Variants in MOV10 observed in about 807,000 individuals in gnomAD.
MOV10 encodes the protein Mov10 RNA helicase.
Under a neutral mutation model 108.4 loss-of-function variants are expected in MOV10, and 39 were observed. The ratio of observed to expected loss-of-function variants is 0.36; its 90% CI spans 0.28 to 0.47. The LOEUF is 0.47. Among genes scored for constraint, MOV10 ranks in the 20% least tolerant of loss-of-function variants. The probability of loss-of-function intolerance (pLI) is 1.00; values close to 1 mark genes in which losing one functional copy is unlikely to be tolerated. For missense variants in MOV10, 952 were observed against 1,297.6 expected (o/e 0.73, Z 4.09); for synonymous variants, 490 against 523.1 (o/e 0.94, Z 0.86).
chr1:112,674,964 G>C lies in MOV10; in HGVS notation c.52G>C (p.Glu18Gln), dbSNP rs4436392. Residue 18 changes from glutamate to glutamine, a missense_variant, in exon 2 of 21, where the codon GAG (glutamate) becomes CAG (glutamine). Coordinates refer to ENST00000369645, the MANE Select transcript of MOV10 (RefSeq NM_001321324.2). ...GCTCCGGGAGGCGGGCCAGTGTTTCGAGAGTTTCCTGGTCGTTCGGGGACT... is the reference window on the plus strand; with the variant it reads ...GCTCCGGGAGGCGGGCCAGTGTTTCCAGAGTTTCCTGGTCGTTCGGGGACT... ...RQLREAGQCF[E>Q]SFLVVRGLDM... 5.1e-6 allele frequency: 8 copies of C among 1,583,696 alleles called. No homozygotes were observed. Among genetic ancestry groups the C allele is most frequent in the Non-Finnish European group, 6.9e-6 (8 of 1,166,212 alleles).
chr1:112,689,590 C>T lies in MOV10; in HGVS notation c.517C>T (p.Arg173Trp), dbSNP rs764455810. 13 of 1,614,198 alleles carry T rather than the reference C, an allele frequency of 8.1e-6. No homozygotes were observed. Among genetic ancestry groups the T allele is most frequent in the South Asian group, 5.5e-5 (5 of 91,084 alleles). The change falls in exon 4 of 21, where the codon CGG (arginine) becomes TGG (tryptophan). Residue 173 changes from arginine (R) to tryptophan (W), a missense_variant. Physicochemically the swap from Arg to Trp is moderately radical, Grantham distance 101. Coordinates refer to ENST00000369645, the MANE Select transcript of MOV10 (RefSeq NM_001321324.2). ...VTLTHLFPLC[R>W]TPQFAFYNED... is the part of the protein sequence containing the mutation. ...CCTCACTCACCTCTTCCCACTCTGC[C>T]GGACACCCCAGTTTGCTTTCTACAA...
chr1:112,700,466 C>T lies in MOV10; in HGVS notation c.2971C>T (p.Leu991=). The change falls in exon 21 of 21, where the codon CTG becomes TTG. Residue 991 remains leucine, a synonymous_variant. Coordinates refer to ENST00000369645, the MANE Select transcript of MOV10 (RefSeq NM_001321324.2). The part of the protein sequence containing the change: ...LPQEREGEGG[L]SLQVEPEWRN... ...CCAGGAGCGGGAGGGTGAAGGGGGC[C>T]TGTCTCTGCAAGTGGAGCCAGAGTG... The T allele has an allele frequency of 6.2e-7, 1 of 1,613,898 alleles. No homozygotes were observed. The highest frequency in any genetic ancestry group is 8.5e-7 in the Non-Finnish European group (1 of 1,179,920).
In MOV10 at chr1:112,699,950, C is replaced by T. The variant is rs749443045; in HGVS notation, c.2766C>T (p.Pro922=). Residue 922 remains proline (P), a synonymous_variant, in exon 19 of 21, where the codon CCC becomes CCT. Coordinates refer to ENST00000369645, the MANE Select transcript of MOV10 (RefSeq NM_001321324.2). ...AKALLIIVGN[P]LLLGHDPDWK... is the part of the protein sequence containing the mutation. ...CCCTGCTCATCATCGTGGGGAACCC[C>T]CTTCTCCTGGGCCATGACCCTGACT... is the stretch of plus-strand genomic sequence containing the variant. 1 of 1,614,206 alleles carries T rather than the reference C, an allele frequency of 6.2e-7. No individual in the cohort carries two copies. The highest frequency in any genetic ancestry group is 1.3e-5 in the African/African-American group (1 of 75,050).
chr1:112,696,061 T>C, intron 11 of MOV10, 87 bp from the exon 12 acceptor site: 1 of 873,696 alleles, frequency 1.1e-6, no homozygotes. Flanking sequence ...ATAAAAATAA[T>C]TGTTTGAGGG....
intron 12 of MOV10, 69 bp from the exon 13 acceptor site, chr1:112,696,368 C>A: frequency 6.9e-7 from 1 of 1,456,632 alleles, no homozygotes; most frequent in Non-Finnish European, 9.6e-7. Flanking sequence ...AGAAGCCAGC[C>A]TGGGAAAGCA....
At position 112,690,208 on chromosome 1, in the gene MOV10, CT is replaced by C. The variant is rs1570782861; in HGVS notation, c.836+112del. ...AGCCAGAGCCCTTTTCCTACAGGCT[CT>C]TCACTCTTCTGGGTCTCAGAGAATT... On this transcript the variant is annotated intron_variant, in intron 5 of 20. Transcript: ENST00000369645. 3.7e-6 allele frequency: 5 copies of C among 1,345,192 alleles called. No individual in the cohort carries two copies. The East Asian group carries it at 1.2e-4, about 32-fold the overall frequency. The allele number at this position is 1,345,192 out of a possible 1,614,324, so 83.3% of individuals were successfully genotyped here.
chr1:112,696,507 G>A lies in MOV10; in HGVS notation c.1954G>A (p.Glu652Lys). The change falls in exon 13 of 21, where the codon GAG (glutamate) becomes AAG (lysine). Residue 652 changes from glutamate (E) to lysine (K), a missense_variant. Transcript: ENST00000369645. ...IFIDEAGHCM[E>K]PESLVAIAGL... ...CATCGATGAGGCTGGCCACTGCATG[G>A]AGCCTGAGAGTCTGGTAGCTATAGC... The A allele has an allele frequency of 6.2e-7, 1 of 1,614,094 alleles. No homozygotes were observed. Among genetic ancestry groups the A allele is most frequent in the Non-Finnish European group, 8.5e-7 (1 of 1,179,942 alleles).
chr1:112,677,822 C>T lies in MOV10; in HGVS notation c.137+2773C>T, dbSNP rs115522720. ...TTAGGAATTCTAGGAGATTCCTACA[C>T]TGAGAGGGGATAGGTCTCTCCAGCT... On this transcript the variant is annotated intron_variant, in intron 2 of 20. Transcript: ENST00000369645. Among the ~76,000 whole-genome samples the T allele has an allele frequency of 5.9e-3, 901 of 152,222 alleles. 4 individuals are homozygous for T. Among genetic ancestry groups the T allele is most frequent in the South Asian group, 0.014 (67 of 4,826 alleles).
intron 5 of MOV10, 37 bp from the exon 6 acceptor site, chr1:112,691,628 G>T: frequency 6.2e-7 from 1 of 1,605,098 alleles, no homozygotes; most frequent in South Asian, 1.1e-5. Flanking sequence ...GTTGGAGGGT[G>T]AGGGGTTTTC....
chr1:112,694,618 T>G lies in MOV10; in HGVS notation c.1461T>G (p.Asp487Glu). The G allele has an allele frequency of 6.2e-7, 1 of 1,603,812 alleles. No homozygotes were observed. Among genetic ancestry groups the G allele is most frequent in the Middle Eastern group, 1.7e-4 (1 of 5,998 alleles). ...GGGACGTCCCGCTGCTGCCCTCAGA[T>G]GTGAAACTCAAGTGAGACTGTGGGC... ...APRDVPLLPS[D>E]VKLKLYDRSL... is the part of the protein sequence containing the mutation. Residue 487 changes from aspartate to glutamate, a missense_variant, in exon 9 of 21, where the codon GAT (aspartate) becomes GAG (glutamate). Asp to Glu is a conservative substitution (Grantham distance 45). Around this residue, in one of 5 missense-constraint regions of MOV10, gnomAD observed 453 missense variants for 611.5 expected, o/e 0.74. Coordinates refer to ENST00000369645, the MANE Select transcript of MOV10 (RefSeq NM_001321324.2). The surrounding 1 kb of genome is among the most constrained non-coding windows in gnomAD (Gnocchi z 4.1).
chr1:112,685,406 C>T (rs1260154472), intron 2 of MOV10, among the ~76,000 whole-genome samples: 1 of 151,852 alleles, frequency 6.6e-6, no homozygotes, highest in African/African-American at 2.4e-5. Context: ...CCTGTAATCC[C>T]AGCACTTTGG....
Position 112,700,574 on chromosome 1 carries a change from C to G in MOV10, c.*67C>G, listed in dbSNP as rs751640169. 1.3e-6 allele frequency: 2 copies of G among 1,590,334 alleles called. No individual in the cohort carries two copies. The highest frequency in any genetic ancestry group is 1.3e-5 in the African/African-American group (1 of 74,326). On this transcript the variant is annotated 3_prime_UTR_variant, in exon 21 of 21. Coordinates refer to ENST00000369645, the MANE Select transcript of MOV10 (RefSeq NM_001321324.2). The stretch of plus-strand genomic sequence containing the variant: ...TGCCTGCCTGACCCTGAACCAGAAC[C>G]CAGCTGAACTGCCCCTCCAAGGGAC...
intron 2 of MOV10, among the ~76,000 whole-genome samples, chr1:112,680,242 A>C (rs1257089184): frequency 6.6e-6 from 1 of 152,158 alleles, no homozygotes; most frequent in Non-Finnish European, 1.5e-5. Flanking sequence ...ATAGAAAAAA[A>C]TCAGGAAAAA....
chr1:112,695,308 T>G, intron 10 of MOV10, 108 bp from the exon 11 acceptor site: 1 of 1,160,690 alleles, frequency 8.6e-7, no homozygotes, highest in Non-Finnish European at 1.2e-6. Flanking sequence ...TGCATGAATC[T>G]TGGAGTCACC....
chr1:112,692,728 C>A (rs750983344), intron 6 of MOV10, 33 bp from the exon 7 acceptor site: 28 of 1,610,602 alleles, frequency 1.7e-5, no homozygotes, highest in Non-Finnish European at 1.7e-6. Flanking sequence ...CCTGTTCCTG[C>A]CCCCACTCAC....
chr1:112,694,716 A>T lies in MOV10; in HGVS notation c.1473-33A>T. On this transcript the variant is annotated intron_variant, in intron 9 of 20. Coordinates refer to ENST00000369645, the MANE Select transcript of MOV10 (RefSeq NM_001321324.2). The surrounding 1 kb of genome is among the most constrained non-coding windows in gnomAD (Gnocchi z 4.1). Reference sequence around the variant, plus strand: ...AGGGAGGCCTCTGGGTCACTGGATGACTTCAAGTTCACATTCCTGGTCCCT... The same window carrying T: ...AGGGAGGCCTCTGGGTCACTGGATGTCTTCAAGTTCACATTCCTGGTCCCT... 1 of 1,607,488 alleles carries T rather than the reference A, an allele frequency of 6.2e-7. No individual in the cohort carries two copies. Among genetic ancestry groups the T allele is most frequent in the Non-Finnish European group, 8.5e-7 (1 of 1,175,216 alleles).
At chr1:112,693,223 G>T (rs1405898651) in intron 7 of MOV10, among the ~76,000 whole-genome samples, 2 of 152,162 alleles carry the variant, frequency 1.3e-5, no homozygotes, top group Non-Finnish European at 2.9e-5. Flanking sequence ...AATTCTTAGA[G>T]CTCTTTCTGG....
chr1:112,695,705 C>T, intron 11 of MOV10, 131 bp downstream of exon 11: 1 of 970,784 alleles, frequency 1.0e-6, no homozygotes, highest in Non-Finnish European at 1.5e-6. Flanking sequence ...GACAGGACCC[C>T]TCCCTGGGCC....
chr1:112,689,534 G>A lies in MOV10; in HGVS notation c.461G>A (p.Arg154Lys), dbSNP rs1557760037. Residue 154 changes from arginine (R) to lysine (K), a missense_variant, in exon 4 of 21, where the codon AGG (arginine) becomes AAG (lysine). Around this residue, in one of 5 missense-constraint regions of MOV10, gnomAD observed 374 missense variants for 468.6 expected, o/e 0.80. Coordinates refer to ENST00000369645, the MANE Select transcript of MOV10 (RefSeq NM_001321324.2). ...DLNRKEVLTL[R>K]LRNGGTQSVT... The stretch of plus-strand genomic sequence containing the variant: ...AACCGCAAAGAGGTGCTGACCCTGA[G>A]GCTTCGGAATGGCGGAACCCAGTCT... 6.2e-7 allele frequency: 1 copy of A among 1,614,190 alleles called. No individual in the cohort carries two copies. The highest frequency in any genetic ancestry group is 1.1e-5 in the South Asian group (1 of 91,088).
Sources: allele counts gnomAD v4.1 joint callset (sites outside exome capture counted in the v4.1 genomes callset), GRCh38; gene constraint gnomAD v4.1.1; regional missense constraint gnomAD v4.1.1; non-coding constraint Gnocchi (gnomAD v3.1); transcripts MANE v1.5; gene names NCBI Gene and HGNC (gene_info 2026-07-23, HGNC 2026-07-21).